Variants in XKR3 observed in about 807,000 individuals in gnomAD.
XKR3 encodes the protein XK related 3, also known as XK-related protein 3.
A neutral mutation model predicts 40.3 loss-of-function variants in XKR3; 27 were observed. That is an observed-to-expected ratio of 0.67 (90% CI 0.49 to 0.92). XKR3 has a LOEUF of 0.92. Ranked by LOEUF, XKR3 falls within the 40% of genes least tolerant of loss-of-function variation. The pLI is 0.00. For missense variants in XKR3, 472 were observed against 537.6 expected (o/e 0.88, Z 1.21); for synonymous variants, 193 against 195.4 (o/e 0.99, Z 0.10).
intron 3 of XKR3, among the ~76,000 whole-genome samples, chr22:16,799,546 C>T (rs1158051752): frequency 6.6e-6 from 1 of 151,536 alleles, no homozygotes; most frequent in East Asian, 1.9e-4. Context: ...TCTTCAGGGT[C>T]AATAAAATAA....
intron 3 of XKR3, among the ~76,000 whole-genome samples, chr22:16,791,291 T>A (rs1249464183): frequency 1.3e-5 from 2 of 150,908 alleles, no homozygotes; most frequent in Non-Finnish European, 3.0e-5. Context: ...TGAAAAAAAA[T>A]GGTCTCACTT....
At chr22:16,810,984 C>T (rs183481796) in intron 1 of XKR3, among the ~76,000 whole-genome samples, 65 of 152,282 alleles carry the variant, frequency 4.3e-4, no homozygotes, top group African/African-American at 1.5e-3. Context: ...TAGTTGTTGT[C>T]ACTGCTTCCT....
At chr22:16,799,669 A>C in intron 3 of XKR3, 102 bp downstream of exon 3, 1 of 1,355,796 alleles carries the variant, frequency 7.4e-7, no homozygotes, top group Non-Finnish European at 9.9e-7. Flanking sequence ...AATTTAGTGC[A>C]ACTGTAATTT....
rs1292162185 is a variant in XKR3 at position 16,800,022 on chromosome 22, C to T, written c.338G>A (p.Cys113Tyr). ...HILLLGPIVRCLHTIRNYHKW... is the reference protein window; with the variant it reads ...HILLLGPIVRYLHTIRNYHKW... ...GTGGTAATTTCTAATGGTGTGCAAA[C>T]ACCTGTTAACATGAAGTAACATCCA... Residue 113 changes from cysteine (C) to tyrosine (Y), a missense_variant and splice_region_variant, in exon 3 of 4, where the codon TGT (cysteine) becomes TAT (tyrosine). Coordinates refer to ENST00000684488, the MANE Select transcript of XKR3 (RefSeq NM_001386955.1). 4 of 1,612,266 alleles carry T rather than the reference C, an allele frequency of 2.5e-6. No homozygotes were observed. Among genetic ancestry groups the T allele is most frequent in the Admixed American group, 3.3e-5 (2 of 59,858 alleles).
At chr22:16,796,275 T>C (rs1264929704) in intron 3 of XKR3, among the ~76,000 whole-genome samples, 3 of 152,196 alleles carry the variant, frequency 2.0e-5, no homozygotes, top group African/African-American at 7.2e-5. Flanking sequence ...TTTTTCCTGA[T>C]GTACAAAGAA....
chr22:16,806,309 C>CAT (rs58767162), intron 2 of XKR3, among the ~76,000 whole-genome samples: 131,426 of 150,176 alleles, frequency 0.88, 57,848 homozygotes, highest in African/African-American at 0.97. Context: ...TTATTTAGCT[C>CAT]GTGAAAAACC....
chr22:16,812,170 T>C (rs2060215720), intron 1 of XKR3, among the ~76,000 whole-genome samples: 1 of 152,240 alleles, frequency 6.6e-6, no homozygotes, highest in Non-Finnish European at 1.5e-5. Context: ...CATGCTTTCA[T>C]ACTCAATGCC....
chr22:16,807,735 T>C lies in XKR3; in HGVS notation c.335+4A>G. ...AGTGAATGAGAAATATTTGTGTCAC[T>C]TACCTCACAATAGGTCCTAAAAGAA... On this transcript the variant is annotated splice_donor_region_variant and intron_variant, in intron 2 of 3. Transcript: ENST00000684488. 1 of 1,567,998 alleles carries C rather than the reference T, an allele frequency of 6.4e-7. No individual in the cohort carries two copies. Among genetic ancestry groups the C allele is most frequent in the Non-Finnish European group, 8.7e-7 (1 of 1,155,970 alleles).
intron 1 of XKR3, among the ~76,000 whole-genome samples, chr22:16,809,968 T>C (rs9618886): frequency 0.03 from 4,516 of 152,228 alleles, 253 homozygotes; most frequent in African/African-American, 0.1. Context: ...CCCAGGCTGG[T>C]CTCGAGCTCC....
intron 3 of XKR3, 99 bp from the exon 4 acceptor site, chr22:16,784,508 C>T (rs2060081858): frequency 9.2e-7 from 1 of 1,091,148 alleles, no homozygotes; most frequent in African/African-American, 1.6e-5. Flanking sequence ...TCTTCCTCAC[C>T]CACCTCCTTT....
intron 3 of XKR3, among the ~76,000 whole-genome samples, chr22:16,788,797 C>G (rs1412478963): frequency 2.0e-5 from 3 of 151,922 alleles, no homozygotes; most frequent in African/African-American, 7.2e-5. Context: ...TCATGATTTT[C>G]CATGATCAAG....
intron 1 of XKR3, among the ~76,000 whole-genome samples, chr22:16,817,470 TG>T (rs1192434897): frequency 6.6e-6 from 1 of 152,148 alleles, no homozygotes; most frequent in African/African-American, 2.4e-5. Context: ...CTCATGGCTT[TG>T]AATAAAAACC....
At chr22:16,813,383 A>G (rs2060221072) in intron 1 of XKR3, among the ~76,000 whole-genome samples, 2 of 152,088 alleles carry the variant, frequency 1.3e-5, no homozygotes, top group African/African-American at 4.8e-5. Flanking sequence ...GTTTGCTGTT[A>G]CCTCCCTTTA....
chr22:16,804,920 G>A (rs955220274), intron 2 of XKR3, among the ~76,000 whole-genome samples: 25 of 152,046 alleles, frequency 1.6e-4, no homozygotes, highest in Non-Finnish European at 3.2e-4. Context: ...CATAGCCCAC[G>A]GTCACTCACA....
At chr22:16,791,936 T>C (rs1429829663) in intron 3 of XKR3, among the ~76,000 whole-genome samples, 13 of 151,756 alleles carry the variant, frequency 8.6e-5, no homozygotes, top group Middle Eastern at 6.8e-3. Flanking sequence ...GTTTGTTTTT[T>C]GCTTTTGTTG....
intron 3 of XKR3, among the ~76,000 whole-genome samples, chr22:16,793,853 A>G (rs1462123412): frequency 1.3e-5 from 2 of 152,224 alleles, no homozygotes; most frequent in Non-Finnish European, 2.9e-5. Context: ...AGAAAGACCA[A>G]AACTTGACTT....
At chr22:16,786,872 G>A (rs1216797748) in intron 3 of XKR3, among the ~76,000 whole-genome samples, 29 of 152,240 alleles carry the variant, frequency 1.9e-4, no homozygotes, top group South Asian at 4.1e-4. Context: ...GATCAATGAC[G>A]AGAACATCAT....
intron 1 of XKR3, among the ~76,000 whole-genome samples, chr22:16,819,579 A>C (rs867300505): frequency 5.3e-5 from 8 of 152,202 alleles, no homozygotes; most frequent in Middle Eastern, 3.2e-3. Context: ...AATAGCCTTA[A>C]CATAAAACTC....
chr22:16,802,676 G>A (rs1403604028), intron 2 of XKR3, among the ~76,000 whole-genome samples: 1 of 151,986 alleles, frequency 6.6e-6, no homozygotes, highest in Non-Finnish European at 1.5e-5. Flanking sequence ...TTGTAGTAGA[G>A]ACAGGGTTTC....
Sources: allele counts gnomAD v4.1 joint callset (sites outside exome capture counted in the v4.1 genomes callset), GRCh38; gene constraint gnomAD v4.1.1; transcripts MANE v1.5; gene names NCBI Gene and HGNC (gene_info 2026-07-23, HGNC 2026-07-21).